CAMK2A: variants seen among roughly 807,000 people sequenced by gnomAD.
The protein encoded by CAMK2A is calcium/calmodulin-dependent protein kinase type II subunit alpha.
Under a neutral mutation model 79.2 loss-of-function variants are expected in CAMK2A, and 7 were observed. The ratio of observed to expected loss-of-function variants is 0.09; its 90% CI spans 0.05 to 0.17. The LOEUF is 0.17. Among genes scored for constraint, CAMK2A ranks in the 10% least tolerant of loss-of-function variants. CAMK2A has a pLI of 1.00. For missense variants in CAMK2A, 214 were observed against 646.4 expected (o/e 0.33, Z 7.25); for synonymous variants, 242 against 251.7 (o/e 0.96, Z 0.36).
chr5:150,239,245 G>T (rs1755231389), intron 14 of CAMK2A, among the ~76,000 whole-genome samples: 1 of 152,174 alleles, frequency 6.6e-6, no homozygotes, highest in Non-Finnish European at 1.5e-5. Context: ...CCTAGACAGA[G>T]GCAGGGCTGG....
At chr5:150,244,574 A>G (rs1580914555) in intron 13 of CAMK2A, among the ~76,000 whole-genome samples, 1 of 152,234 alleles carries the variant, frequency 6.6e-6, no homozygotes, top group Non-Finnish European at 1.5e-5. Context: ...GAGGGACCAC[A>G]GGGTAACTCG....
chr5:150,245,338 GCCTCCTCCTCCTCCTCCTCCTCCT>G (rs34649296), intron 12 of CAMK2A, 137 bp from the exon 13 acceptor site: 4 of 659,122 alleles, frequency 6.1e-6, no homozygotes, highest in South Asian at 1.9e-5. Context: ...CCTGGGGGAG[GCCTCCTCCTCCTCCTCCTCCTCCT>G]CCTCCTCCTC....
intron 7 of CAMK2A, 72 bp downstream of exon 7, chr5:150,253,372 G>T: frequency 8.1e-7 from 1 of 1,236,712 alleles, no homozygotes; most frequent in Non-Finnish European, 1.2e-6. Flanking sequence ...CAGGCAGGGG[G>T]TTCCCAGAGG....
At chr5:150,271,285 C>A (rs1198843450) in intron 2 of CAMK2A, among the ~76,000 whole-genome samples, 2 of 152,182 alleles carry the variant, frequency 1.3e-5, no homozygotes, top group Non-Finnish European at 2.9e-5. Context: ...GGCTCCTGGT[C>A]CTTCAGAGAC....
intron 11 of CAMK2A, among the ~76,000 whole-genome samples, chr5:150,249,636 C>T (rs187296995): frequency 3.9e-5 from 6 of 152,200 alleles, no homozygotes; most frequent in Non-Finnish European, 8.8e-5. Flanking sequence ...CAACCTCCGC[C>T]TCCCAGGTTC....
intron 4 of CAMK2A, among the ~76,000 whole-genome samples, chr5:150,257,282 T>A (rs1446623182): frequency 2.0e-5 from 3 of 152,198 alleles, no homozygotes; most frequent in Non-Finnish European, 4.4e-5. Context: ...AAAAAAAAAT[T>A]AAACATATTC....
At chr5:150,259,514 T>G (rs1035996740) in intron 3 of CAMK2A, among the ~76,000 whole-genome samples, 1 of 151,954 alleles carries the variant, frequency 6.6e-6, no homozygotes, top group Non-Finnish European at 1.5e-5. Context: ...AGAGTGAGAA[T>G]GTCTCAAAAT....
intron 17 of CAMK2A, 144 bp downstream of exon 17, chr5:150,228,043 GAGGGT>G (rs1341151608): frequency 3.2e-6 from 2 of 624,204 alleles, no homozygotes; most frequent in Non-Finnish European, 5.6e-6. Flanking sequence ...AGGGAACCAA[GAGGGT>G]ACCAACCCCA....
intron 1 of CAMK2A, among the ~76,000 whole-genome samples, chr5:150,286,981 TG>T (rs1757449720): frequency 6.6e-6 from 1 of 152,122 alleles, no homozygotes; most frequent in African/African-American, 2.4e-5. Context: ...AGACTACAGG[TG>T]GGGGTAAAGA....
intron 11 of CAMK2A, 103 bp from the exon 12 acceptor site, chr5:150,247,917 G>A (rs1755645390): frequency 6.4e-6 from 6 of 935,298 alleles, no homozygotes; most frequent in Admixed American, 2.0e-5. Context: ...GGCAGGTGCT[G>A]CATTCAGAGA....
intron 1 of CAMK2A, among the ~76,000 whole-genome samples, chr5:150,281,220 A>G (rs111294244): frequency 1.3e-5 from 2 of 152,226 alleles, no homozygotes; most frequent in African/African-American, 4.8e-5. Context: ...ATACTTAAGC[A>G]TTTCACTTCT....
At chr5:150,231,667 T>A (rs1754851356) in intron 15 of CAMK2A, among the ~76,000 whole-genome samples, 1 of 150,458 alleles carries the variant, frequency 6.6e-6, no homozygotes, top group South Asian at 2.1e-4. Flanking sequence ...CCAGAGCCAG[T>A]GTCTCTGTTG....
At chr5:150,259,697 G>A (rs1046036451) in intron 3 of CAMK2A, among the ~76,000 whole-genome samples, 18 of 151,484 alleles carry the variant, frequency 1.2e-4, no homozygotes, top group African/African-American at 3.6e-4. Context: ...GGCCGGGCAC[G>A]GTGGCTCATG....
chr5:150,268,812 C>T (rs1383472851), intron 2 of CAMK2A, among the ~76,000 whole-genome samples: 2 of 152,192 alleles, frequency 1.3e-5, no homozygotes. Context: ...CAGGTTGGAG[C>T]ACAGTGGCAG....
At chr5:150,225,584 T>TC (rs1754562873) in intron 17 of CAMK2A, among the ~76,000 whole-genome samples, 1 of 152,128 alleles carries the variant, frequency 6.6e-6, no homozygotes, top group African/African-American at 2.4e-5. Context: ...CTTAGCCTGG[T>TC]CCCTGCTTTG....
At chr5:150,273,001 CA>C in intron 2 of CAMK2A, 63 bp downstream of exon 2, 1 of 1,281,494 alleles carries the variant, frequency 7.8e-7, no homozygotes, top group Admixed American at 1.7e-5. Flanking sequence ...CTAAACCAAG[CA>C]GTACAGGTAA....
intron 14 of CAMK2A, among the ~76,000 whole-genome samples, chr5:150,239,189 C>T (rs558228057): frequency 6.6e-6 from 1 of 152,196 alleles, no homozygotes; most frequent in Non-Finnish European, 1.5e-5. Flanking sequence ...AGTGAGACAG[C>T]GATGGAACCA....
At position 150,289,499 on chromosome 5, in the gene CAMK2A, C is replaced by G. The variant is rs548399568; in HGVS notation, c.62+65G>C. ...TCCCCAAGCACTGCAGGCACACACA[C>G]CCCACTAGAGACCCTGACCTCCCCG... On this transcript the variant is annotated intron_variant, in intron 1 of 18. Transcript: ENST00000671881. 15 of 1,257,728 alleles carry G rather than the reference C, an allele frequency of 1.2e-5. No individual in the cohort carries two copies. The African/African-American group carries it at 2.0e-4, about 17-fold the overall frequency. The allele number at this position is 1,257,728 out of a possible 1,614,324, so 77.9% of individuals were successfully genotyped here.
At chr5:150,252,462 C>A (rs1755878452) in intron 7 of CAMK2A, among the ~76,000 whole-genome samples, 1 of 152,222 alleles carries the variant, frequency 6.6e-6, no homozygotes, top group African/African-American at 2.4e-5. Context: ...CAGCCCCAGG[C>A]TGAGAGCTAA....
Sources: gnomAD v4.1 joint callset for allele counts (sites outside exome capture counted in the v4.1 genomes callset) on GRCh38, gnomAD v4.1.1 for gene constraint, MANE v1.5 for transcripts, NCBI Gene and HGNC (gene_info 2026-07-23, HGNC 2026-07-21) for gene names.